The following LRRC36 variants were observed in gnomAD, a reference collection of about 807,000 sequenced individuals.
LRRC36 encodes leucine rich repeat containing 36, also known as leucine-rich repeat-containing protein 36.
In LRRC36, 62 loss-of-function variants were observed where a neutral mutation model predicts 81.1. The observed-to-expected ratio is 0.76, with a 90% CI of 0.62 to 0.94. The LOEUF (loss-of-function observed/expected upper bound fraction) is 0.94, where lower values mean the gene tolerates loss of function less well. LRRC36 is among the 40% of genes least tolerant of loss of function. The probability of loss-of-function intolerance (pLI) is 0.00; values close to 1 mark genes in which losing one functional copy is unlikely to be tolerated. For synonymous variants in LRRC36, 334 were observed against 348.6 expected (o/e 0.96, Z 0.47); for missense variants, 761 against 881.7 (o/e 0.86, Z 1.73).
chr16:67,342,191 T>G (rs1597439835), intron 2 of LRRC36, 107 bp downstream of exon 2: 1 of 636,284 alleles, frequency 1.6e-6, no homozygotes, highest in East Asian at 3.1e-5. Flanking sequence ...ACCTTCCCTT[T>G]AAATGATTCC....
chr16:67,353,700 T>C (rs2038764112), intron 5 of LRRC36, among the ~76,000 whole-genome samples: 2 of 152,314 alleles, frequency 1.3e-5, no homozygotes, highest in East Asian at 3.9e-4. Context: ...GATAGTCTCT[T>C]ACCAGGCATG....
chr16:67,381,205 G>A (rs2040095387), intron 12 of LRRC36, among the ~76,000 whole-genome samples: 1 of 134,362 alleles, frequency 7.4e-6, no homozygotes, highest in Non-Finnish European at 1.5e-5. Flanking sequence ...GCCAGCCTGG[G>A]CAACAAGAAC....
intron 5 of LRRC36, among the ~76,000 whole-genome samples, chr16:67,352,535 C>T (rs2038694253): frequency 6.6e-6 from 1 of 152,068 alleles, no homozygotes; most frequent in Non-Finnish European, 1.5e-5. Context: ...CTTCCCATAT[C>T]CCCGAAATAG....
chr16:67,330,857 T>G (rs1411613337), intron 1 of LRRC36, among the ~76,000 whole-genome samples: 1 of 151,902 alleles, frequency 6.6e-6, no homozygotes, highest in African/African-American at 2.4e-5. Flanking sequence ...AGACTGAGAC[T>G]CAGTCTAAAT....
rs1314747387 is a variant in LRRC36 at position 67,367,174 on chromosome 16, T to C, written c.912T>C (p.Asp304=). Residue 304 remains aspartate, a synonymous_variant, in exon 8 of 14, where the codon GAT becomes GAC. Transcript: ENST00000329956. ...PKPDTFHLTH[D]ASLSKCLDVG... Reference sequence around the variant, plus strand: ...CTGATACTTTTCATCTTACCCATGATGCCTCATTGAGTAAATGCCTGGATG... The same window carrying C: ...CTGATACTTTTCATCTTACCCATGACGCCTCATTGAGTAAATGCCTGGATG... 10 of 1,614,214 alleles carry C rather than the reference T, an allele frequency of 6.2e-6. No individual in the cohort carries two copies. Among genetic ancestry groups the C allele is most frequent in the Non-Finnish European group, 8.5e-6 (10 of 1,180,032 alleles).
intron 5 of LRRC36, among the ~76,000 whole-genome samples, chr16:67,356,608 C>T (rs1387618099): frequency 3.3e-5 from 5 of 152,284 alleles, no homozygotes; most frequent in Middle Eastern, 3.4e-3. Context: ...AATAGTGTCA[C>T]GTCTTCACAT....
chr16:67,363,534 T>C (rs1227463797), intron 5 of LRRC36, 56 bp from the exon 6 acceptor site: 13 of 1,593,000 alleles, frequency 8.2e-6, no homozygotes, highest in South Asian at 1.1e-5. Flanking sequence ...TTAGACATGC[T>C]GCCTTTGAAG....
intron 7 of LRRC36, among the ~76,000 whole-genome samples, chr16:67,366,685 G>T (rs1233863140): frequency 6.6e-6 from 1 of 152,020 alleles, no homozygotes; most frequent in Admixed American, 6.6e-5. Context: ...GGGAAGCGAA[G>T]GTTGCACTGA....
chr16:67,370,106 A>T (rs1309871228), intron 8 of LRRC36, among the ~76,000 whole-genome samples: 1 of 152,190 alleles, frequency 6.6e-6, no homozygotes, highest in Non-Finnish European at 1.5e-5. Flanking sequence ...GCTGGTTTTA[A>T]ATAAAAGCAC....
intron 13 of LRRC36, 39 bp from the exon 14 acceptor site, chr16:67,384,831 T>G (rs747589187): frequency 1.3e-6 from 2 of 1,554,514 alleles, no homozygotes; most frequent in Non-Finnish European, 1.8e-6. Flanking sequence ...CTCTCTTGCT[T>G]TTATGATTTC....
chr16:67,347,600 A>T lies in LRRC36; in HGVS notation c.488+9A>T, dbSNP rs2038414825. 6.3e-7 allele frequency: 1 copy of T among 1,599,246 alleles called. No individual in the cohort carries two copies. Among genetic ancestry groups the T allele is most frequent in the Non-Finnish European group, 8.6e-7 (1 of 1,168,006 alleles). On this transcript the variant is annotated intron_variant, in intron 4 of 13. Transcript: ENST00000329956. ...TTAGAGGTGGAAAAAAGGTAAGAAG[A>T]TTCTTTACAAAATTTTTAAAGTTTG...
intron 3 of LRRC36, among the ~76,000 whole-genome samples, chr16:67,346,990 TCA>T (rs1455819040): frequency 6.6e-6 from 1 of 152,158 alleles, no homozygotes; most frequent in Non-Finnish European, 1.5e-5. Context: ...TTCTCACATC[TCA>T]GTCTCCCAAG....
intron 5 of LRRC36, among the ~76,000 whole-genome samples, chr16:67,358,961 T>C (rs747997934): frequency 3.3e-5 from 5 of 152,094 alleles, no homozygotes; most frequent in Admixed American, 6.6e-5. Flanking sequence ...TAATATCCAG[T>C]GATGAAGTAA....
intron 12 of LRRC36, among the ~76,000 whole-genome samples, chr16:67,381,230 G>GA (rs1179228134): frequency 0.16 from 6,579 of 40,990 alleles, 484 homozygotes; most frequent in Middle Eastern, 0.23. Flanking sequence ...CTCTGCCTCA[G>GA]AAAAAAAAAA....
chr16:67,342,187 C>T lies in LRRC36; in HGVS notation c.198+103C>T, dbSNP rs554778244. The T allele has an allele frequency of 1.2e-5, 8 of 673,630 alleles. No homozygotes were observed. The Admixed American group carries it at 2.0e-4, about 17-fold the overall frequency. The allele number at this position is 673,630 out of a possible 1,614,324, so 41.7% of individuals were successfully genotyped here. ...TCATCCTGGGGAATATAAGACCTTCCCTTTAAATGATTCCCAACTAAATTT... is the reference window on the plus strand; with the variant it reads ...TCATCCTGGGGAATATAAGACCTTCTCTTTAAATGATTCCCAACTAAATTT... On this transcript the variant is annotated intron_variant, in intron 2 of 13. Transcript: ENST00000329956.
intron 8 of LRRC36, among the ~76,000 whole-genome samples, chr16:67,369,209 T>C (rs2142119362): frequency 6.6e-6 from 1 of 152,150 alleles, no homozygotes; most frequent in East Asian, 1.9e-4. Flanking sequence ...AGAAAAGAGA[T>C]CTGAGGACTG....
At chr16:67,341,717 T>G (rs1193882376) in intron 1 of LRRC36, among the ~76,000 whole-genome samples, 1 of 152,154 alleles carries the variant, frequency 6.6e-6, no homozygotes, top group Non-Finnish European at 1.5e-5. Flanking sequence ...TGAGAACTTT[T>G]GGAGACTTTT....
At chr16:67,357,374 G>A (rs1406352039) in intron 5 of LRRC36, among the ~76,000 whole-genome samples, 1 of 152,060 alleles carries the variant, frequency 6.6e-6, no homozygotes, top group African/African-American at 2.4e-5. Context: ...TAAATGTCAG[G>A]GATTGTGTTG....
intron 13 of LRRC36, among the ~76,000 whole-genome samples, chr16:67,383,618 T>A (rs867695216): frequency 2.0e-5 from 3 of 152,372 alleles, no homozygotes; most frequent in Middle Eastern, 6.8e-3. Flanking sequence ...CAAAATACTC[T>A]CTTTTAAATT....
Sources: gnomAD v4.1 joint callset for allele counts (sites outside exome capture counted in the v4.1 genomes callset) on GRCh38, gnomAD v4.1.1 for gene constraint, MANE v1.5 for transcripts, NCBI Gene and HGNC (gene_info 2026-07-23, HGNC 2026-07-21) for gene names.